Variants in FRMD3 observed in about 807,000 individuals in gnomAD.
The protein encoded by FRMD3 is FERM domain containing 3, also known as FERM domain-containing protein 3.
FRMD3 carries 33 observed loss-of-function variants against 70.2 expected under a neutral mutation model. The ratio of observed to expected loss-of-function variants is 0.47; its 90% CI spans 0.36 to 0.63. The LOEUF is 0.63. FRMD3 is among the 20% of genes least tolerant of loss of function. FRMD3 has a pLI of 0.00. For synonymous variants in FRMD3, 279 were observed against 255.9 expected, an observed-to-expected ratio of 1.09 and a Z score of -0.86; for missense variants, 632 against 711.4, an observed-to-expected ratio of 0.89 and a Z score of 1.27.
At chr9:83,450,412 G>A (rs1281828080) in intron 1 of FRMD3, among the ~76,000 whole-genome samples, 1 of 145,062 alleles carries the variant, frequency 6.9e-6, no homozygotes, top group Non-Finnish European at 1.5e-5. Context: ...CATTGTGCAG[G>A]TTAGTTACAT....
intron 1 of FRMD3, 88 bp from the exon 2 acceptor site, chr9:83,389,796 T>C: frequency 1.1e-6 from 1 of 876,996 alleles, no homozygotes; most frequent in Admixed American, 1.9e-5. Context: ...CATGGGTCTA[T>C]GTTCTGAAAA....
At chr9:83,305,458 G>A (rs1019935583) in intron 10 of FRMD3, among the ~76,000 whole-genome samples, 1 of 152,172 alleles carries the variant, frequency 6.6e-6, no homozygotes, top group Admixed American at 6.5e-5. Flanking sequence ...TAACAGCTTT[G>A]TTCCAGGCCA....
chr9:83,362,822 C>T (rs112368772), intron 3 of FRMD3, among the ~76,000 whole-genome samples: 20,232 of 97,426 alleles, frequency 0.21, 2,423 homozygotes, highest in African/African-American at 0.34. Context: ...TTCCCTCCCT[C>T]CTTCCTTCCC....
At chr9:83,581,018 G>A in the FRMD3 span, among the ~76,000 whole-genome samples, 8,178 of 151,892 alleles carry the variant, frequency 0.054, 750 homozygotes, top group African/African-American at 0.19. Context: ...GTTGAGGCTG[G>A]GTGCTAAAAA....
chr9:83,478,756 C>T (rs1587893271), intron 1 of FRMD3, among the ~76,000 whole-genome samples: 1 of 152,102 alleles, frequency 6.6e-6, no homozygotes, highest in South Asian at 2.1e-4. Flanking sequence ...CACAAATATC[C>T]ACTGGCAAAT....
the FRMD3 span, among the ~76,000 whole-genome samples, chr9:83,549,343 C>T: frequency 3.5e-4 from 53 of 152,068 alleles, no homozygotes; most frequent in Non-Finnish European, 7.1e-4. Context: ...TTTTGTTTAT[C>T]CAGTTTGTTA....
chr9:83,244,720 G>T lies in FRMD3; in HGVS notation c.*3198C>A. 1 of 984,774 alleles carries T rather than the reference G, an allele frequency of 1.0e-6. No individual in the cohort carries two copies. Among genetic ancestry groups the T allele is most frequent in the Non-Finnish European group, 1.2e-6 (1 of 829,452 alleles). 61.0% of individuals were successfully genotyped at this position (984,774 alleles called of 1,614,324 possible). On this transcript the variant is annotated 3_prime_UTR_variant, in exon 14 of 14. Coordinates refer to ENST00000304195, the MANE Select transcript of FRMD3 (RefSeq NM_174938.6). ...AGAAATGCAAATTTCACTATACAAAGGTAAGGCTCCAATCACAGTAACATG... is the reference window on the plus strand; with the variant it reads ...AGAAATGCAAATTTCACTATACAAATGTAAGGCTCCAATCACAGTAACATG...
At chr9:83,479,830 G>GGAAA (rs1365601748) in intron 1 of FRMD3, among the ~76,000 whole-genome samples, 1 of 148,526 alleles carries the variant, frequency 6.7e-6, no homozygotes, top group Non-Finnish European at 1.5e-5. Flanking sequence ...AAGGAAGGAA[G>GGAAA]GGAAAATGAA....
intron 1 of FRMD3, among the ~76,000 whole-genome samples, chr9:83,514,420 G>A (rs150582689): frequency 0.011 from 1,624 of 152,276 alleles, 11 homozygotes; most frequent in Non-Finnish European, 0.018. Flanking sequence ...TAGATTCCTC[G>A]TCTCTGGGCA....
At chr9:83,578,608 T>C in the FRMD3 span, among the ~76,000 whole-genome samples, 2 of 152,040 alleles carry the variant, frequency 1.3e-5, no homozygotes, top group South Asian at 2.1e-4. Context: ...GAAAAATCAT[T>C]TGATAAAATT....
chr9:83,451,038 G>T (rs112324385), intron 1 of FRMD3, among the ~76,000 whole-genome samples: 1 of 152,286 alleles, frequency 6.6e-6, no homozygotes, highest in East Asian at 1.9e-4. Flanking sequence ...CAACGAACAC[G>T]AGTTCCCTAA....
At chr9:83,437,565 T>C (rs541057600) in intron 1 of FRMD3, among the ~76,000 whole-genome samples, 8 of 152,194 alleles carry the variant, frequency 5.3e-5, no homozygotes, top group Admixed American at 1.3e-4. Flanking sequence ...AGTTCCAAAA[T>C]ATCACGAAGC....
At chr9:83,470,901 T>G (rs7034871) in intron 1 of FRMD3, among the ~76,000 whole-genome samples, 74,332 of 152,122 alleles carry the variant, frequency 0.49, 18,508 homozygotes, top group Middle Eastern at 0.58. Context: ...GAATGTGATC[T>G]TACACAAGCT....
chr9:83,512,670 G>A (rs530934406), intron 1 of FRMD3, among the ~76,000 whole-genome samples: 114 of 152,216 alleles, frequency 7.5e-4, no homozygotes, highest in Non-Finnish European at 1.1e-3. Context: ...CTTCCCTTCT[G>A]CTCACCTCTT....
At chr9:83,488,237 G>A (rs1828730730) in intron 1 of FRMD3, among the ~76,000 whole-genome samples, 1 of 152,210 alleles carries the variant, frequency 6.6e-6, no homozygotes, top group African/African-American at 2.4e-5. Context: ...ACATCTGAGT[G>A]ATATGCTTCC....
intron 2 of FRMD3, among the ~76,000 whole-genome samples, chr9:83,383,846 C>T (rs1825431650): frequency 6.6e-6 from 1 of 152,190 alleles, no homozygotes; most frequent in Non-Finnish European, 1.5e-5. Context: ...TAAGTGACTT[C>T]TAGATGGCAA....
chr9:83,551,921 A>C, the FRMD3 span, among the ~76,000 whole-genome samples: 4 of 150,898 alleles, frequency 2.7e-5, no homozygotes, highest in Non-Finnish European at 5.9e-5. Context: ...AAAAAAAAAA[A>C]CTCCTGGATT....
At chr9:83,568,492 C>CG in the FRMD3 span, among the ~76,000 whole-genome samples, 1 of 152,120 alleles carries the variant, frequency 6.6e-6, no homozygotes, top group Admixed American at 6.5e-5. Context: ...TTTGCAACAA[C>CG]ATGGATGAAT....
intron 13 of FRMD3, among the ~76,000 whole-genome samples, chr9:83,271,527 A>G (rs1457949249): frequency 6.6e-6 from 1 of 152,232 alleles, no homozygotes; most frequent in East Asian, 1.9e-4. Flanking sequence ...AAAGGACCAT[A>G]TGGCCAGGTA....
Sources: gnomAD v4.1 joint callset for allele counts (sites outside exome capture counted in the v4.1 genomes callset) on GRCh38, gnomAD v4.1.1 for gene constraint, MANE v1.5 for transcripts, NCBI Gene and HGNC (gene_info 2026-07-23, HGNC 2026-07-21) for gene names.